B3GAT1: variants seen among roughly 807,000 people sequenced by gnomAD.
The protein encoded by B3GAT1 is beta-1,3-glucuronyltransferase 1, also known as galactosylgalactosylxylosylprotein 3-beta-glucuronosyltransferase 1.
A neutral mutation model predicts 28.4 loss-of-function variants in B3GAT1; 11 were observed. The ratio of observed to expected loss-of-function variants is 0.39; its 90% CI spans 0.24 to 0.64. The LOEUF is 0.64. B3GAT1 is among the 30% of genes least tolerant of loss of function. The probability of loss-of-function intolerance (pLI) is 0.50; values close to 1 mark genes in which losing one functional copy is unlikely to be tolerated. For synonymous variants in B3GAT1, 255 were observed against 223.1 expected (o/e 1.14, Z -1.27); for missense variants, 375 against 491.0 (o/e 0.76, Z 2.23).
intron 1 of B3GAT1, among the ~76,000 whole-genome samples, chr11:134,400,745 A>T (rs1944597058): frequency 1.3e-5 from 2 of 152,222 alleles, no homozygotes; most frequent in African/African-American, 4.8e-5. Context: ...GCAACTGCAA[A>T]ATACAAACAA....
rs765956817 is a variant in B3GAT1 at position 134,382,965 on chromosome 11, G to A, written c.663C>T (p.Phe221=). 3 of 1,596,786 alleles carry A rather than the reference G, an allele frequency of 1.9e-6. No individual in the cohort carries two copies. The highest frequency in any genetic ancestry group is 2.3e-5 in the East Asian group (1 of 44,088). ...GGGCCTCGTACCGCAGGCCACCCAC[G>A]AAGGCGACGGGCCACACGGACACCC... ...TRRVSVWPVA[F]VGGLRYEAPR... is the part of the protein sequence containing the mutation. The change falls in exon 4 of 6, where the codon TTC becomes TTT. Residue 221 remains phenylalanine (F), a synonymous_variant. Coordinates refer to ENST00000312527, the MANE Select transcript of B3GAT1 (RefSeq NM_054025.3).
rs1248784306 is a variant in B3GAT1 at position 134,383,697 on chromosome 11, G to T, written c.604C>A (p.Leu202Met). Residue 202 changes from leucine (L) to methionine (M), a missense_variant, in exon 3 of 6, where the codon CTG (leucine) becomes ATG (methionine). Coordinates refer to ENST00000312527, the MANE Select transcript of B3GAT1 (RefSeq NM_054025.3). ...TCCCTCACCTCTTCGAAGAGCTCCAGGCTGTAGGTGTTGTCGTCGTCGGCG... is the reference window on the plus strand; with the variant it reads ...TCCCTCACCTCTTCGAAGAGCTCCATGCTGTAGGTGTTGTCGTCGTCGGCG... ...YFADDDNTYS[L>M]ELFEEMRSTR... The T allele has an allele frequency of 1.9e-6, 3 of 1,583,590 alleles. No individual in the cohort carries two copies. In the South Asian group the frequency reaches 3.4e-5, roughly 18 times the overall value.
At chr11:134,395,260 C>T (rs567189526) in intron 1 of B3GAT1, among the ~76,000 whole-genome samples, 16 of 152,288 alleles carry the variant, frequency 1.1e-4, no homozygotes, top group South Asian at 1.0e-3. Context: ...TGCAGGGGGA[C>T]GGACAGCCGG....
intron 2 of B3GAT1, 65 bp from the exon 3 acceptor site, chr11:134,384,253 G>T (rs1944221425): frequency 6.8e-7 from 1 of 1,478,576 alleles, no homozygotes; most frequent in Non-Finnish European, 8.9e-7. Flanking sequence ...ATTCAGAGCG[G>T]GACGCCACCC....
chr11:134,380,764 G>T lies in B3GAT1; in HGVS notation c.*15-17C>A, dbSNP rs1944104902. On this transcript the variant is annotated splice_polypyrimidine_tract_variant and intron_variant, in intron 5 of 5. Coordinates refer to ENST00000312527, the MANE Select transcript of B3GAT1 (RefSeq NM_054025.3). ...AGGAGGCTCCTGTGAGGGGAGAGGA[G>T]GAATGAGTGAGGTGTCGGCTGAGGG... 1 of 152,684 alleles carries T rather than the reference G, an allele frequency of 6.5e-6. No homozygotes were observed. The highest frequency in any genetic ancestry group is 1.5e-5 in the Non-Finnish European group (1 of 68,328). 9.5% of individuals were successfully genotyped at this position (152,684 alleles called of 1,614,324 possible). A position where few individuals can be genotyped will look rare whatever the true frequency, so the allele number is the denominator to read the frequency against.
intron 3 of B3GAT1, among the ~76,000 whole-genome samples, chr11:134,383,293 A>G (rs1373426927): frequency 6.6e-6 from 1 of 152,024 alleles, no homozygotes; most frequent in Non-Finnish European, 1.5e-5. Context: ...AAAACCTTTC[A>G]GTCTCCCCGC....
intron 1 of B3GAT1, among the ~76,000 whole-genome samples, chr11:134,410,669 A>C (rs1944836207): frequency 6.6e-6 from 1 of 152,260 alleles, no homozygotes; most frequent in Admixed American, 6.5e-5. Flanking sequence ...GTAGGGCGAC[A>C]TAAGCACAGA....
chr11:134,398,519 A>G (rs1355604026), intron 1 of B3GAT1, among the ~76,000 whole-genome samples: 1 of 152,190 alleles, frequency 6.6e-6, no homozygotes, highest in South Asian at 2.1e-4. Context: ...ATCTCATTTA[A>G]TGTTTAAACC....
At chr11:134,382,310 T>C (rs1944146648) in intron 4 of B3GAT1, among the ~76,000 whole-genome samples, 1 of 151,584 alleles carries the variant, frequency 6.6e-6, no homozygotes, top group African/African-American at 2.4e-5. Context: ...TTCCCAAGTG[T>C]GTGTGTGTGC....
chr11:134,384,142 G>A lies in B3GAT1; in HGVS notation c.159C>T (p.Pro53=). 2 of 1,570,296 alleles carry A rather than the reference G, an allele frequency of 1.3e-6. No individual in the cohort carries two copies. Among genetic ancestry groups the A allele is most frequent in the East Asian group, 2.3e-5 (1 of 44,134 alleles). The change falls in exon 3 of 6, where the codon CCC becomes CCT. Residue 53 remains proline (P), a synonymous_variant. Transcript: ENST00000312527. ...CGCGGTCAGACGTGCAGTACTCCCT[G>A]GGGTCGGCGCCGGGCGGCGTTTCGC... ...PRRETPPGAD[P]REYCTSDRDI... is the part of the protein sequence containing the mutation.
chr11:134,402,062 ACGTGCCCCTGC>A (rs1414135828), intron 1 of B3GAT1, among the ~76,000 whole-genome samples: 3 of 151,340 alleles, frequency 2.0e-5, no homozygotes, highest in Non-Finnish European at 1.5e-5. Flanking sequence ...TGCTTGGAGG[ACGTGCCCCTGC>A]ACAGGTGGAC....
At chr11:134,398,341 C>T (rs1400995603) in intron 1 of B3GAT1, among the ~76,000 whole-genome samples, 2 of 152,190 alleles carry the variant, frequency 1.3e-5, no homozygotes, top group Non-Finnish European at 2.9e-5. Context: ...CTGTCCTTGG[C>T]ACCCAGTGGC....
chr11:134,399,510 A>G (rs925949916), intron 1 of B3GAT1, among the ~76,000 whole-genome samples: 13 of 152,302 alleles, frequency 8.5e-5, no homozygotes, highest in African/African-American at 3.1e-4. Context: ...TCTGCTACCC[A>G]GTGAACGGCA....
At position 134,384,009 on chromosome 11, in the gene B3GAT1, G is replaced by A. The variant is rs1427223631; in HGVS notation, c.292C>T (p.Gln98Ter). Residue 98 changes from glutamine to a stop codon, truncating the protein, a stop_gained, in exon 3 of 6, where the codon CAG becomes TAG. Transcript: ENST00000312527. LOFTEE classifies it high-confidence loss of function. ...GCCATGCGCGTCAGCTCGGCCTTCT[G>A]CACCGGGCGGCTGTAGGTGGGCGTC... ...VVTPTYSRPV[Q>*]KAELTRMANT... 1 of 1,605,164 alleles carries A rather than the reference G, an allele frequency of 6.2e-7. No homozygotes were observed. Among genetic ancestry groups the A allele is most frequent in the Non-Finnish European group, 8.5e-7 (1 of 1,179,068 alleles).
rs1359765231 is a variant in B3GAT1 at position 134,393,206 on chromosome 11, A to C, written c.-281-5266T>G. ...ACAGTAGTTAAGTGGTTCATCAAAA[A>C]AGTCCATTAAGGCGAAGAATCTTTC... is the stretch of plus-strand genomic sequence containing the variant. On this transcript the variant is annotated intron_variant, in intron 1 of 5. Coordinates refer to ENST00000312527, the MANE Select transcript of B3GAT1 (RefSeq NM_054025.3). The surrounding 1 kb of genome is among the most constrained non-coding windows in gnomAD (Gnocchi z 4.0). Among the ~76,000 whole-genome samples, 1 of 152,228 alleles carries C rather than the reference A, an allele frequency of 6.6e-6. No individual in the cohort carries two copies. The highest frequency in any genetic ancestry group is 2.4e-5 in the African/African-American group (1 of 41,454).
At chr11:134,385,040 G>C (rs1944242985) in intron 2 of B3GAT1, 1 of 152,214 alleles carries the variant, frequency 6.6e-6, no homozygotes, top group Admixed American at 6.5e-5. Flanking sequence ...GCCCACTTCT[G>C]CCGTTACGAA....
chr11:134,403,792 A>T (rs1944667250), intron 1 of B3GAT1, among the ~76,000 whole-genome samples: 1 of 151,924 alleles, frequency 6.6e-6, no homozygotes. Context: ...ATGCCCTGAC[A>T]TGGACGAATC....
intron 1 of B3GAT1, among the ~76,000 whole-genome samples, chr11:134,396,959 T>G (rs1944516069): frequency 6.6e-6 from 1 of 152,148 alleles, no homozygotes; most frequent in South Asian, 2.1e-4. Context: ...CTGCTACACC[T>G]CTTGTTGTCT....
Position 134,411,255 on chromosome 11 carries a change from T to A in B3GAT1, c.-282+552A>T, listed in dbSNP as rs1434514602. Among the ~76,000 whole-genome samples, 1 of 152,136 alleles carries A rather than the reference T, an allele frequency of 6.6e-6. No individual in the cohort carries two copies. The highest frequency in any genetic ancestry group is 2.4e-5 in the African/African-American group (1 of 41,440). On this transcript the variant is annotated intron_variant, in intron 1 of 5. Transcript: ENST00000312527. The surrounding 1 kb of genome is among the most constrained non-coding windows in gnomAD (Gnocchi z 6.0). ...GGGAGGGTGGTGAACTGGTCGCGCCTCCTTCCTCCTTGCTACACCGAAGGT... is the reference window on the plus strand; with the variant it reads ...GGGAGGGTGGTGAACTGGTCGCGCCACCTTCCTCCTTGCTACACCGAAGGT...
Sources: allele counts gnomAD v4.1 joint callset (sites outside exome capture counted in the v4.1 genomes callset), GRCh38; gene constraint gnomAD v4.1.1; non-coding constraint Gnocchi (gnomAD v3.1); transcripts MANE v1.5; gene names NCBI Gene and HGNC (gene_info 2026-07-23, HGNC 2026-07-21).